ENOX1: variants seen among roughly 807,000 people sequenced by gnomAD.
The protein encoded by ENOX1 is ecto-NOX disulfide-thiol exchanger 1.
A neutral mutation model predicts 82.5 loss-of-function variants in ENOX1; 42 were observed. The ratio of observed to expected loss-of-function variants is 0.51; its 90% CI spans 0.40 to 0.66. The LOEUF is 0.66. Among genes scored for constraint, ENOX1 ranks in the 30% least tolerant of loss-of-function variants. The pLI is 0.00. For missense variants in ENOX1, 608 were observed against 811.6 expected, an observed-to-expected ratio of 0.75 and a Z score of 3.05; for synonymous variants, 271 against 282.2, an observed-to-expected ratio of 0.96 and a Z score of 0.40.
rs1466886136 is a variant in ENOX1 at position 43,786,123 on chromosome 13, C to A, written c.-285+529G>T. Among the ~76,000 whole-genome samples, 2 of 152,146 alleles carry A rather than the reference C, an allele frequency of 1.3e-5. No individual in the cohort carries two copies. The highest frequency in any genetic ancestry group is 4.8e-5 in the African/African-American group (2 of 41,440). On this transcript the variant is annotated intron_variant, in intron 1 of 16. Transcript: ENST00000690772. This position sits in a 1 kb window ranked among gnomAD's most constrained non-coding sequence, Gnocchi z 6.0. ...ACAACAGTACCCAGCGCAGACTAGGCGGGGAGGAAAGTTTCCGGCCCGCAG... is the reference window on the plus strand; with the variant it reads ...ACAACAGTACCCAGCGCAGACTAGGAGGGGAGGAAAGTTTCCGGCCCGCAG...
chr13:43,671,532 C>G (rs2085266849), intron 1 of ENOX1, among the ~76,000 whole-genome samples: 1 of 152,160 alleles, frequency 6.6e-6, no homozygotes, highest in South Asian at 2.1e-4. Flanking sequence ...TCCCATGATA[C>G]TCTCTACACA....
At chr13:43,426,178 T>C (rs1216357691) in intron 3 of ENOX1, among the ~76,000 whole-genome samples, 2 of 152,176 alleles carry the variant, frequency 1.3e-5, no homozygotes, top group African/African-American at 4.8e-5. Context: ...TGCCATTCCG[T>C]TATTTATTCA....
chr13:43,659,477 G>A (rs1376823126), intron 2 of ENOX1, among the ~76,000 whole-genome samples: 2 of 150,322 alleles, frequency 1.3e-5, no homozygotes, highest in African/African-American at 4.9e-5. Context: ...ACGACAGAGT[G>A]AAACCCTGTG....
At chr13:43,506,850 G>A (rs939934303) in intron 2 of ENOX1, among the ~76,000 whole-genome samples, 3 of 151,092 alleles carry the variant, frequency 2.0e-5, no homozygotes, top group African/African-American at 4.9e-5. Context: ...GTGGGGGGAC[G>A]GGGGAGGGAT....
chr13:43,288,579 T>C (rs539072901), intron 12 of ENOX1, among the ~76,000 whole-genome samples: 1 of 152,314 alleles, frequency 6.6e-6, no homozygotes, highest in Admixed American at 6.5e-5. Context: ...GTTAATAAGA[T>C]TTTCTTGCCC....
chr13:43,630,799 T>A (rs2083171054), intron 2 of ENOX1, among the ~76,000 whole-genome samples: 1 of 151,954 alleles, frequency 6.6e-6, no homozygotes, highest in Admixed American at 6.6e-5. Context: ...AATATTTTAT[T>A]CTAGTCTCTT....
chr13:43,454,175 G>T (rs968188494), intron 3 of ENOX1, among the ~76,000 whole-genome samples: 1 of 151,948 alleles, frequency 6.6e-6, no homozygotes, highest in African/African-American at 2.4e-5. Flanking sequence ...AAGGTGAATA[G>T]TATTATAAGG....
At chr13:43,290,217 T>C (rs1203508668) in intron 12 of ENOX1, among the ~76,000 whole-genome samples, 1 of 152,170 alleles carries the variant, frequency 6.6e-6, no homozygotes, top group Non-Finnish European at 1.5e-5. Flanking sequence ...AGCAAGGCCA[T>C]TACTGCGTGT....
At chr13:43,269,015 C>T (rs17460415) in intron 13 of ENOX1, among the ~76,000 whole-genome samples, 13,734 of 152,242 alleles carry the variant, frequency 0.09, 807 homozygotes, top group Non-Finnish European at 0.13. Flanking sequence ...GTCTGTTGCT[C>T]ACCATGGTTA....
At position 43,344,550 on chromosome 13, in the gene ENOX1, T is replaced by A; in HGVS notation, c.1024A>T (p.Ile342Phe). The A allele has an allele frequency of 6.2e-7, 1 of 1,613,938 alleles. No homozygotes were observed. Among genetic ancestry groups the A allele is most frequent in the East Asian group, 2.2e-5 (1 of 44,888 alleles). Residue 342 changes from isoleucine to phenylalanine, a missense_variant, in exon 9 of 17, where the codon ATT becomes TTT. By Grantham distance (21) the Ile-to-Phe change is conservative. Coordinates refer to ENST00000690772, the MANE Select transcript of ENOX1 (RefSeq NM_001347969.2). The part of the protein sequence containing the change: ...KENFKNALTG[I>F]LTQFEQIVAV... ...AAATTTTACTTACATTGAGTGAGAA[T>A]CCCAGTTAAGGCATTTTTAAAATTC...
chr13:43,315,476 C>A (rs1329334647), intron 11 of ENOX1, among the ~76,000 whole-genome samples: 1 of 152,162 alleles, frequency 6.6e-6, no homozygotes, highest in East Asian at 1.9e-4. Context: ...TAGGAAAGAA[C>A]AACAACAATA....
At chr13:43,569,520 G>T (rs2080077312) in intron 2 of ENOX1, among the ~76,000 whole-genome samples, 1 of 152,138 alleles carries the variant, frequency 6.6e-6, no homozygotes, top group Non-Finnish European at 1.5e-5. Flanking sequence ...GTAGCTCACA[G>T]ATTAAGATAA....
At chr13:43,333,426 A>G (rs2048520223) in intron 9 of ENOX1, among the ~76,000 whole-genome samples, 1 of 152,246 alleles carries the variant, frequency 6.6e-6, no homozygotes. Flanking sequence ...CATTACAAAT[A>G]ACAGAAACAA....
chr13:43,215,391 T>C lies in ENOX1; in HGVS notation c.1801-1270A>G, dbSNP rs547099371. ...ATTTTCTGATACACACCATATTAGA[T>C]GGATGGTTAAATTCCCAGGTCAACC... On this transcript the variant is annotated intron_variant, in intron 16 of 16. Transcript: ENST00000690772. Among the ~76,000 whole-genome samples, 5 of 152,354 alleles carry C rather than the reference T, an allele frequency of 3.3e-5. No homozygotes were observed. In the East Asian group the frequency reaches 9.6e-4, roughly 29 times the overall value.
chr13:43,782,916 T>C (rs1431529512), intron 1 of ENOX1, among the ~76,000 whole-genome samples: 1 of 152,172 alleles, frequency 6.6e-6, no homozygotes, highest in African/African-American at 2.4e-5. Flanking sequence ...GGTAACACCT[T>C]TGGCAAGATG....
chr13:43,610,029 A>G, intron 2 of ENOX1: 1 of 269,736 alleles, frequency 3.7e-6, no homozygotes, highest in Non-Finnish European at 5.7e-6. Context: ...ACCTTCTCAT[A>G]AGTATAAAAG....
intron 3 of ENOX1, among the ~76,000 whole-genome samples, chr13:43,481,737 GA>G (rs2058515430): frequency 6.6e-6 from 1 of 151,934 alleles, no homozygotes; most frequent in Admixed American, 6.6e-5. Context: ...TACAGAATGG[GA>G]AAAAATTTGC....
At chr13:43,309,265 G>A (rs1051759055) in intron 11 of ENOX1, among the ~76,000 whole-genome samples, 8 of 151,878 alleles carry the variant, frequency 5.3e-5, no homozygotes, top group East Asian at 3.9e-4. Context: ...CAAATGATCC[G>A]CCTACCTCGG....
intron 3 of ENOX1, among the ~76,000 whole-genome samples, chr13:43,469,351 A>T (rs2057884883): frequency 6.6e-6 from 1 of 152,024 alleles, no homozygotes; most frequent in Non-Finnish European, 1.5e-5. Context: ...ATGTTGCTGT[A>T]TACAATTTGC....
Sources: gnomAD v4.1 joint callset for allele counts (sites outside exome capture counted in the v4.1 genomes callset) on GRCh38, gnomAD v4.1.1 for gene constraint, Gnocchi (gnomAD v3.1) non-coding constraint, MANE v1.5 for transcripts, NCBI Gene and HGNC (gene_info 2026-07-23, HGNC 2026-07-21) for gene names.